COX7B2: variants seen among roughly 807,000 people sequenced by gnomAD.
The protein encoded by COX7B2 is cytochrome c oxidase subunit 7B2, also known as cytochrome c oxidase subunit 7B2, mitochondrial.
For missense variants in COX7B2, 109 were observed against 95.9 expected, an observed-to-expected ratio of 1.14 and a Z score of -0.57; for synonymous variants, 37 against 32.1, an observed-to-expected ratio of 1.15 and a Z score of -0.51.
chr4:46,786,460 T>A (rs1717757757), intron 2 of COX7B2, among the ~76,000 whole-genome samples: 1 of 152,208 alleles, frequency 6.6e-6, no homozygotes. Context: ...AGCTAAATAT[T>A]GGCATGCTTA....
At chr4:46,781,456 T>C (rs1296361640) in intron 2 of COX7B2, among the ~76,000 whole-genome samples, 2 of 152,228 alleles carry the variant, frequency 1.3e-5, no homozygotes, top group Non-Finnish European at 2.9e-5. Context: ...TCTGCCCTTC[T>C]CAAGATTTGG....
At position 46,842,656 on chromosome 4, in the gene COX7B2, G is replaced by C. The variant is rs1187518491; in HGVS notation, c.-50+2304C>G. Among the ~76,000 whole-genome samples, 4 of 151,790 alleles carry C rather than the reference G, an allele frequency of 2.6e-5. No individual in the cohort carries two copies. The East Asian group carries it at 5.8e-4, about 22-fold the overall frequency. On this transcript the variant is annotated intron_variant, in intron 2 of 2. Coordinates refer to ENST00000355591, the MANE Select transcript of COX7B2 (RefSeq NM_130902.3). ...TATGAGTGAGAACATGCGGTGTTTGGTTTTTTGTCCTTGCGATAGTTTGCT... is the reference window on the plus strand; with the variant it reads ...TATGAGTGAGAACATGCGGTGTTTGCTTTTTTGTCCTTGCGATAGTTTGCT...
chr4:46,818,699 G>A (rs1034227373), intron 2 of COX7B2, among the ~76,000 whole-genome samples: 1 of 151,330 alleles, frequency 6.6e-6, no homozygotes, highest in African/African-American at 2.4e-5. Context: ...TCATTGTAAT[G>A]GAAAAACAAG....
chr4:46,872,019 T>C (rs896187417), intron 1 of COX7B2, among the ~76,000 whole-genome samples: 8 of 152,108 alleles, frequency 5.3e-5, no homozygotes, highest in African/African-American at 1.7e-4. Flanking sequence ...GACACATGCA[T>C]GTGAAAGTTC....
At chr4:46,889,786 A>G (rs1719315534) in intron 1 of COX7B2, among the ~76,000 whole-genome samples, 2 of 152,202 alleles carry the variant, frequency 1.3e-5, no homozygotes, top group South Asian at 4.1e-4. Flanking sequence ...TTGGTTCACT[A>G]CAATGACAGA....
At chr4:46,737,989 C>T (rs207464663) in intron 2 of COX7B2, among the ~76,000 whole-genome samples, 1 of 152,038 alleles carries the variant, frequency 6.6e-6, no homozygotes, top group East Asian at 1.9e-4. Context: ...AAAATGTTTC[C>T]TGTTAGTCAT....
chr4:46,759,899 G>T (rs1451992285), intron 2 of COX7B2, among the ~76,000 whole-genome samples: 1 of 148,928 alleles, frequency 6.7e-6, no homozygotes, highest in African/African-American at 2.5e-5. Flanking sequence ...AGTTATATAA[G>T]TCTTATCTTA....
intron 2 of COX7B2, among the ~76,000 whole-genome samples, chr4:46,837,972 A>C (rs1715650351): frequency 6.6e-6 from 1 of 152,068 alleles, no homozygotes; most frequent in Non-Finnish European, 1.5e-5. Flanking sequence ...CATTGAAGAC[A>C]TGGAAGTCAA....
At chr4:46,744,108 GT>G (rs201092915) in intron 2 of COX7B2, among the ~76,000 whole-genome samples, 28 of 148,056 alleles carry the variant, frequency 1.9e-4, no homozygotes, top group East Asian at 6.0e-4. Context: ...TGGTCCCATA[GT>G]TTTTTTTTTG....
At chr4:46,781,533 G>A (rs943961435) in intron 2 of COX7B2, among the ~76,000 whole-genome samples, 2 of 152,140 alleles carry the variant, frequency 1.3e-5, no homozygotes, top group African/African-American at 4.8e-5. Flanking sequence ...AGCAGCCCTC[G>A]CTTGCTCTCA....
intron 1 of COX7B2, among the ~76,000 whole-genome samples, chr4:46,907,733 A>G (rs1031742949): frequency 2.7e-4 from 41 of 152,112 alleles, no homozygotes; most frequent in African/African-American, 9.4e-4. Flanking sequence ...AAAAATAGGA[A>G]CAACTATTAA....
chr4:46,764,630 A>C (rs1307718172), intron 2 of COX7B2, among the ~76,000 whole-genome samples: 2 of 151,784 alleles, frequency 1.3e-5, no homozygotes, highest in Non-Finnish European at 2.9e-5. Flanking sequence ...TTGGCCAGGC[A>C]CAGTGGCTCA....
At chr4:46,748,094 A>G (rs1282816504) in intron 2 of COX7B2, among the ~76,000 whole-genome samples, 1 of 152,194 alleles carries the variant, frequency 6.6e-6, no homozygotes, top group African/African-American at 2.4e-5. Flanking sequence ...AAAGAACCAG[A>G]AAGAATAAAT....
intron 2 of COX7B2, among the ~76,000 whole-genome samples, chr4:46,752,498 A>G (rs182260569): frequency 2.0e-5 from 3 of 151,698 alleles, no homozygotes; most frequent in East Asian, 3.9e-4. Context: ...TCTTGTGCCA[A>G]TTTTCAAGCA....
intron 1 of COX7B2, among the ~76,000 whole-genome samples, chr4:46,871,505 TA>T (rs1441870766): frequency 6.6e-6 from 1 of 151,964 alleles, no homozygotes; most frequent in Non-Finnish European, 1.5e-5. Flanking sequence ...TAATTAAATT[TA>T]AAACCTTCTG....
chr4:46,807,334 T>C (rs1477826409), intron 2 of COX7B2, among the ~76,000 whole-genome samples: 1 of 151,958 alleles, frequency 6.6e-6, no homozygotes, highest in African/African-American at 2.4e-5. Context: ...TATTCATGTC[T>C]TCTGACCATG....
intron 2 of COX7B2, among the ~76,000 whole-genome samples, chr4:46,745,307 G>C (rs1714956059): frequency 6.6e-6 from 1 of 151,922 alleles, no homozygotes; most frequent in Non-Finnish European, 1.5e-5. Flanking sequence ...TATGAATAAG[G>C]CTCTTGTTAT....
At chr4:46,905,908 C>A (rs953872817) in intron 1 of COX7B2, among the ~76,000 whole-genome samples, 1 of 139,948 alleles carries the variant, frequency 7.1e-6, no homozygotes, top group Non-Finnish European at 1.5e-5. Context: ...CAGCTCACTG[C>A]AAGCTCCGCT....
intron 2 of COX7B2, among the ~76,000 whole-genome samples, chr4:46,767,886 C>G (rs1318297047): frequency 6.6e-6 from 1 of 152,214 alleles, no homozygotes; most frequent in African/African-American, 2.4e-5. Flanking sequence ...TCCCTTGACC[C>G]TTGAAGGTGT....
Sources: gnomAD v4.1 joint callset for allele counts (sites outside exome capture counted in the v4.1 genomes callset) on GRCh38, gnomAD v4.1.1 for gene constraint, MANE v1.5 for transcripts, NCBI Gene and HGNC (gene_info 2026-07-23, HGNC 2026-07-21) for gene names.